The following RGS6 variants were observed in gnomAD, a reference collection of about 807,000 sequenced individuals.
RGS6 encodes the protein regulator of G-protein signaling 6.
In RGS6, 30 loss-of-function variants were observed where a neutral mutation model predicts 78.5. The observed-to-expected ratio is 0.38, with a 90% confidence interval of 0.29 to 0.52. The LOEUF is 0.52. RGS6 is among the 20% of genes least tolerant of loss of function. The pLI is 0.85. For synonymous variants in RGS6, 206 were observed against 206.0 expected (o/e 1.00, Z 0.00); for missense variants, 495 against 609.7 (o/e 0.81, Z 1.98).
intron 2 of RGS6, among the ~76,000 whole-genome samples, chr14:72,021,635 A>AT (rs112257108): frequency 0.028 from 4,137 of 149,094 alleles, 203 homozygotes; most frequent in African/African-American, 0.095. Flanking sequence ...CACCTGGCTT[A>AT]TTTTTTTTTG....
chr14:72,390,190 C>T (rs1283402206), intron 3 of RGS6, among the ~76,000 whole-genome samples: 1 of 151,300 alleles, frequency 6.6e-6, no homozygotes, highest in Admixed American at 6.6e-5. Flanking sequence ...CTCCGCTTCC[C>T]GGGTTGAAGC....
At chr14:72,094,538 A>G (rs1431697059) in intron 2 of RGS6, among the ~76,000 whole-genome samples, 1 of 152,132 alleles carries the variant, frequency 6.6e-6, no homozygotes, top group Non-Finnish European at 1.5e-5. Flanking sequence ...TATGAAATTT[A>G]TTATCCATCA....
At chr14:72,355,486 G>T (rs1458534276) in intron 3 of RGS6, among the ~76,000 whole-genome samples, 1 of 151,832 alleles carries the variant, frequency 6.6e-6, no homozygotes, top group Non-Finnish European at 1.5e-5. Flanking sequence ...CAATATACTT[G>T]GTCATTCATT....
intron 2 of RGS6, among the ~76,000 whole-genome samples, chr14:72,027,827 G>A (rs997525447): frequency 6.6e-6 from 1 of 152,112 alleles, no homozygotes; most frequent in South Asian, 2.1e-4. Flanking sequence ...TACAGAAAGC[G>A]GTAGATGCCA....
chr14:72,546,986 T>G (rs1250340859), intron 17 of RGS6, among the ~76,000 whole-genome samples: 1 of 152,144 alleles, frequency 6.6e-6, no homozygotes, highest in East Asian at 1.9e-4. Context: ...GGCATGCTTG[T>G]CACTTGTGCA....
At chr14:71,991,464 G>C (rs2094951358) in intron 2 of RGS6, among the ~76,000 whole-genome samples, 1 of 151,972 alleles carries the variant, frequency 6.6e-6, no homozygotes, top group African/African-American at 2.4e-5. Flanking sequence ...CATTAAATGT[G>C]GTATTTGCCC....
the RGS6 span, among the ~76,000 whole-genome samples, chr14:71,907,492 G>A: frequency 6.6e-6 from 1 of 152,184 alleles, no homozygotes; most frequent in Non-Finnish European, 1.5e-5. Context: ...GGGCAAGGCT[G>A]TAGAAAGTGG....
At chr14:72,582,832 G>A in the RGS6 span, among the ~76,000 whole-genome samples, 1 of 152,120 alleles carries the variant, frequency 6.6e-6, no homozygotes, top group South Asian at 2.1e-4. Context: ...ATTGATTTTA[G>A]GTGTCAACTT....
intron 2 of RGS6, among the ~76,000 whole-genome samples, chr14:72,006,341 C>T (rs2084550439): frequency 6.6e-6 from 1 of 152,182 alleles, no homozygotes; most frequent in African/African-American, 2.4e-5. Context: ...TTCCAACAGT[C>T]CCTACCTCCT....
intron 3 of RGS6, among the ~76,000 whole-genome samples, chr14:72,449,280 A>G (rs2095437619): frequency 6.6e-6 from 1 of 152,244 alleles, no homozygotes; most frequent in African/African-American, 2.4e-5. Flanking sequence ...GAATTGCTTC[A>G]TTTATCAGTA....
At chr14:72,195,878 G>A (rs2039989149) in intron 2 of RGS6, among the ~76,000 whole-genome samples, 1 of 152,198 alleles carries the variant, frequency 6.6e-6, no homozygotes, top group African/African-American at 2.4e-5. Context: ...GCAAGGCAGT[G>A]GGTACAGATC....
chr14:71,981,850 C>A (rs1164344674), intron 2 of RGS6, among the ~76,000 whole-genome samples: 1 of 147,514 alleles, frequency 6.8e-6, no homozygotes, highest in Non-Finnish European at 1.5e-5. Flanking sequence ...TTTACCTAAG[C>A]AAGCCTGGGC....
chr14:72,109,945 T>C (rs1486285471), intron 2 of RGS6, among the ~76,000 whole-genome samples: 1 of 152,210 alleles, frequency 6.6e-6, no homozygotes, highest in Non-Finnish European at 1.5e-5. Flanking sequence ...CCAAGACTTC[T>C]TCCACCCCAA....
intron 3 of RGS6, among the ~76,000 whole-genome samples, chr14:72,370,116 C>CT (rs1472324296): frequency 1.3e-5 from 2 of 149,530 alleles, no homozygotes; most frequent in East Asian, 3.9e-4. Flanking sequence ...CTACTCAGAC[C>CT]AACTGTCTGA....
At chr14:71,918,418 C>T in the RGS6 span, among the ~76,000 whole-genome samples, 2 of 152,000 alleles carry the variant, frequency 1.3e-5, no homozygotes, top group Non-Finnish European at 2.9e-5. Context: ...GTTGCTAAAG[C>T]CTGATTCTGT....
intron 11 of RGS6, among the ~76,000 whole-genome samples, 169 bp from the exon 12 acceptor site, chr14:72,478,099 T>C (rs765831577): frequency 1.3e-5 from 2 of 152,108 alleles, no homozygotes; most frequent in African/African-American, 2.4e-5. Context: ...ATGATAGGGA[T>C]GTCCAGAGGC....
intron 2 of RGS6, among the ~76,000 whole-genome samples, chr14:72,261,235 A>T (rs1262760906): frequency 1.3e-5 from 2 of 152,142 alleles, no homozygotes; most frequent in Admixed American, 1.3e-4. Context: ...GCACGACCTG[A>T]TGTAAGAAGA....
chr14:72,054,763 A>G (rs1398917201), intron 2 of RGS6, among the ~76,000 whole-genome samples: 1 of 152,116 alleles, frequency 6.6e-6, no homozygotes, highest in Non-Finnish European at 1.5e-5. Context: ...CACCATTCTG[A>G]ACATTGTTTA....
intron 10 of RGS6, 102 bp from the exon 11 acceptor site, chr14:72,476,640 G>A (rs2153351403): frequency 1.3e-6 from 1 of 776,574 alleles, no homozygotes; most frequent in Non-Finnish European, 2.2e-6. Flanking sequence ...TTATTGTCAT[G>A]AGGGGATTCA....
Sources: allele counts gnomAD v4.1 joint callset (sites outside exome capture counted in the v4.1 genomes callset), GRCh38; gene constraint gnomAD v4.1.1; transcripts MANE v1.5; gene names NCBI Gene and HGNC (gene_info 2026-07-23, HGNC 2026-07-21).